The following FANCL variants were observed in gnomAD, a reference collection of about 807,000 sequenced individuals.
The protein encoded by FANCL is E3 ubiquitin-protein ligase FANCL.
Under a neutral mutation model 59.4 loss-of-function variants are expected in FANCL, and 69 were observed. The observed-to-expected ratio is 1.16, with a 90% CI of 0.96 to 1.42. The LOEUF is 1.42. FANCL is among the 40% of genes most tolerant of loss of function. The probability of loss-of-function intolerance (pLI) is 0.00; values close to 1 mark genes in which losing one functional copy is unlikely to be tolerated. For synonymous variants in FANCL, 180 were observed against 147.1 expected, an observed-to-expected ratio of 1.22 and a Z score of -1.62; for missense variants, 519 against 447.2, an observed-to-expected ratio of 1.16 and a Z score of -1.45.
intron 5 of FANCL, among the ~76,000 whole-genome samples, chr2:58,220,783 A>C (rs1224789298): frequency 6.6e-6 from 1 of 152,254 alleles, no homozygotes. Context: ...AAAACATATT[A>C]AGAAAAACTT....
chr2:58,177,973 TA>T (rs1415198418), intron 7 of FANCL, among the ~76,000 whole-genome samples: 1 of 151,910 alleles, frequency 6.6e-6, no homozygotes, highest in Non-Finnish European at 1.5e-5. Flanking sequence ...TCTACACAAA[TA>T]AACTAGAAAA....
intron 7 of FANCL, among the ~76,000 whole-genome samples, chr2:58,175,672 A>C (rs899082619): frequency 1.6e-4 from 25 of 152,220 alleles, no homozygotes; most frequent in Non-Finnish European, 3.4e-4. Context: ...ACCCACAGCC[A>C]ATATCACAGT....
chr2:58,163,519 T>C lies in FANCL; in HGVS notation c.692-2A>G, dbSNP rs1558737575. 1.9e-6 allele frequency: 3 copies of C among 1,562,884 alleles called. No individual in the cohort carries two copies. Among genetic ancestry groups the C allele is most frequent in the Non-Finnish European group, 2.6e-6 (3 of 1,134,094 alleles). Reference sequence around the variant, plus strand: ...CTATATTTATGGAAACATTATTACCTAGAATGAAACAAGATTAAATCTTTT... The same window carrying C: ...CTATATTTATGGAAACATTATTACCCAGAATGAAACAAGATTAAATCTTTT... On this transcript the variant is annotated splice_acceptor_variant, in intron 8 of 13. Transcript: ENST00000233741. LOFTEE classifies it high-confidence loss of function.
chr2:58,160,251 C>G, intron 12 of FANCL, 72 bp from the exon 13 acceptor site: 1 of 1,482,124 alleles, frequency 6.7e-7, no homozygotes, highest in East Asian at 2.3e-5. Context: ...ATGTCATTCC[C>G]TTTGTTTTTA....
chr2:58,170,709 G>C (rs963620191), intron 7 of FANCL, among the ~76,000 whole-genome samples: 1 of 138,688 alleles, frequency 7.2e-6, no homozygotes, highest in Non-Finnish European at 1.5e-5. Context: ...AAAAAAAAAA[G>C]CATGGTTTGC....
intron 7 of FANCL, among the ~76,000 whole-genome samples, chr2:58,185,941 C>G (rs900369450): frequency 3.3e-5 from 5 of 152,092 alleles, no homozygotes; most frequent in African/African-American, 1.2e-4. Context: ...GTACCTATCA[C>G]TGAAATATTG....
chr2:58,233,847 T>C (rs1693787741), intron 1 of FANCL, among the ~76,000 whole-genome samples: 1 of 151,996 alleles, frequency 6.6e-6, no homozygotes, highest in South Asian at 2.1e-4. Flanking sequence ...AAAGAATGCT[T>C]TAGAGGCAGA....
chr2:58,182,273 A>C (rs1688007698), intron 7 of FANCL, among the ~76,000 whole-genome samples: 1 of 151,836 alleles, frequency 6.6e-6, no homozygotes, highest in Admixed American at 6.6e-5. Context: ...TTTTTAATTG[A>C]TATTAGTTCA....
intron 5 of FANCL, among the ~76,000 whole-genome samples, chr2:58,208,771 C>G (rs1415454192): frequency 1.3e-5 from 2 of 152,166 alleles, no homozygotes; most frequent in Non-Finnish European, 2.9e-5. Flanking sequence ...GTCTTTACTT[C>G]GTCTCTGTAC....
chr2:58,178,674 G>A (rs1452086323), intron 7 of FANCL, among the ~76,000 whole-genome samples: 3 of 152,094 alleles, frequency 2.0e-5, no homozygotes, highest in Non-Finnish European at 4.4e-5. Flanking sequence ...ACCAGCACAA[G>A]ACAAGGATGC....
At chr2:58,183,957 CACCT>C (rs1688164684) in intron 7 of FANCL, among the ~76,000 whole-genome samples, 1 of 152,030 alleles carries the variant, frequency 6.6e-6, no homozygotes, top group Admixed American at 6.6e-5. Flanking sequence ...TTTAACATTG[CACCT>C]ATAATTGTGG....
At chr2:58,187,357 C>T (rs898866207) in intron 7 of FANCL, among the ~76,000 whole-genome samples, 20 of 138,918 alleles carry the variant, frequency 1.4e-4, no homozygotes, top group African/African-American at 4.8e-4. Context: ...TAGGTGAGAA[C>T]TGAACAATGA....
chr2:58,233,095 G>C (rs958299415), intron 1 of FANCL, among the ~76,000 whole-genome samples: 5 of 151,908 alleles, frequency 3.3e-5, no homozygotes, highest in Non-Finnish European at 5.9e-5. Context: ...ATGTACTACT[G>C]ACCTTTTCAA....
chr2:58,217,166 TTATATATATATATATATATATATATA>T (rs1158149205), intron 5 of FANCL, among the ~76,000 whole-genome samples: 7 of 47,356 alleles, frequency 1.5e-4, no homozygotes, highest in Non-Finnish European at 2.7e-4. Flanking sequence ...TTTATATATT[TTATATATATATATATATATATATATA>T]TATATATATA....
At chr2:58,166,527 T>C (rs144976716) in intron 7 of FANCL, among the ~76,000 whole-genome samples, 28 of 152,178 alleles carry the variant, frequency 1.8e-4, no homozygotes, top group African/African-American at 6.8e-4. Flanking sequence ...AAATAATAAG[T>C]AATGCCATCA....
chr2:58,214,431 C>T lies in FANCL; in HGVS notation c.374+7511G>A, dbSNP rs534404920. ...TATAATTATACTCTACCCTTCTTATCGTGGTCATAATTCAGTATTACTATG... is the reference window on the plus strand; with the variant it reads ...TATAATTATACTCTACCCTTCTTATTGTGGTCATAATTCAGTATTACTATG... On this transcript the variant is annotated intron_variant, in intron 5 of 13. Transcript: ENST00000233741. Among the ~76,000 whole-genome samples the T allele has an allele frequency of 3.9e-5, 6 of 152,244 alleles. No homozygotes were observed. In the South Asian group the frequency reaches 6.2e-4, roughly 16 times the overall value.
chr2:58,239,925 A>G (rs1191078827), intron 1 of FANCL, among the ~76,000 whole-genome samples: 1 of 152,184 alleles, frequency 6.6e-6, no homozygotes, highest in South Asian at 2.1e-4. Flanking sequence ...GACACGTAAA[A>G]TGTTTAAGAT....
rs138161127 is a variant in FANCL at position 58,228,480 on chromosome 2, C to A, written c.216+1334G>T. On this transcript the variant is annotated intron_variant, in intron 3 of 13. Transcript: ENST00000233741. ...GGGTCTGGAAACTAAAGTCCAGAGG[C>A]CAAATCCAGCTCAATACTGTTTTTG... Among the ~76,000 whole-genome samples the A allele has an allele frequency of 2.6e-3, 400 of 152,280 alleles. 5 individuals are homozygous for A. The highest frequency in any genetic ancestry group is 9.1e-3 in the African/African-American group (377 of 41,552).
intron 6 of FANCL, 25 bp downstream of exon 6, chr2:58,204,105 A>G (rs1359472699): frequency 6.4e-7 from 1 of 1,553,518 alleles, no homozygotes. Context: ...TTCTGATCAC[A>G]ATAACAGTTT....
Sources: gnomAD v4.1 joint callset for allele counts (sites outside exome capture counted in the v4.1 genomes callset) on GRCh38, gnomAD v4.1.1 for gene constraint, MANE v1.5 for transcripts, NCBI Gene and HGNC (gene_info 2026-07-23, HGNC 2026-07-21) for gene names.